TCF12: variants seen among roughly 807,000 people sequenced by gnomAD.
TCF12 encodes DNA-binding protein HTF4.
TCF12 carries 45 observed loss-of-function variants against 86.0 expected under a neutral mutation model. The observed-to-expected ratio is 0.52, with a 90% confidence interval of 0.41 to 0.67. The LOEUF is 0.67. Ranked by LOEUF, TCF12 falls within the 30% of genes least tolerant of loss-of-function variation. The probability of loss-of-function intolerance (pLI) is 0.00; values close to 1 mark genes in which losing one functional copy is unlikely to be tolerated. For missense variants in TCF12, 881 were observed against 859.9 expected (o/e 1.02, Z -0.31); for synonymous variants, 330 against 299.6 (o/e 1.10, Z -1.05).
intron 3 of TCF12, among the ~76,000 whole-genome samples, chr15:56,948,653 A>G (rs1246522357): frequency 6.6e-6 from 1 of 152,220 alleles, no homozygotes; most frequent in Non-Finnish European, 1.5e-5. Flanking sequence ...TCACCTCAGA[A>G]TGAAGCTGGG....
chr15:57,289,322 A>T lies in TCF12; in HGVS notation c.*3177A>T, dbSNP rs1281060198. Reference sequence around the variant, plus strand: ...GAAAATGTATAATCTTAGAGCTGAAATAAAATATAGAGACCATCTAGTAAA... The same window carrying T: ...GAAAATGTATAATCTTAGAGCTGAATTAAAATATAGAGACCATCTAGTAAA... On this transcript the variant is annotated 3_prime_UTR_variant, in exon 21 of 21. Coordinates refer to ENST00000333725, the MANE Select transcript of TCF12 (RefSeq NM_207037.2). The T allele has an allele frequency of 6.6e-6, 1 of 152,360 alleles. No individual in the cohort carries two copies. The highest frequency in any genetic ancestry group is 2.4e-5 in the African/African-American group (1 of 41,592). 9.4% of individuals were successfully genotyped at this position (152,360 alleles called of 1,614,324 possible). A position where few individuals can be genotyped will look rare whatever the true frequency, so the allele number is the denominator to read the frequency against.
intron 3 of TCF12, among the ~76,000 whole-genome samples, chr15:57,045,295 T>TA (rs1783840875): frequency 6.6e-6 from 1 of 152,232 alleles, no homozygotes; most frequent in Non-Finnish European, 1.5e-5. Context: ...TCTGGATTAA[T>TA]ACGTCAAATT....
At chr15:57,120,176 G>T (rs2051129756) in intron 5 of TCF12, among the ~76,000 whole-genome samples, 1 of 152,170 alleles carries the variant, frequency 6.6e-6, no homozygotes, top group Non-Finnish European at 1.5e-5. Context: ...ATGTACATTG[G>T]TAATGGAAGC....
intron 6 of TCF12, among the ~76,000 whole-genome samples, chr15:57,184,577 T>A (rs1446453733): frequency 6.6e-6 from 1 of 152,168 alleles, no homozygotes; most frequent in East Asian, 1.9e-4. Context: ...GAAAGTCAGT[T>A]TGGCACTGAG....
chr15:57,275,246 A>C (rs947334999), intron 19 of TCF12, among the ~76,000 whole-genome samples: 6 of 150,364 alleles, frequency 4.0e-5, no homozygotes, highest in African/African-American at 1.5e-4. Context: ...AGAAAAGCCT[A>C]CTTCTCCCCG....
At chr15:56,960,779 C>T (rs999938774) in intron 3 of TCF12, among the ~76,000 whole-genome samples, 2 of 152,074 alleles carry the variant, frequency 1.3e-5, no homozygotes, top group African/African-American at 2.4e-5. Flanking sequence ...CCCTTTCCCT[C>T]TCTTTAATCA....
At chr15:56,951,815 T>A (rs1053538034) in intron 3 of TCF12, among the ~76,000 whole-genome samples, 1 of 152,084 alleles carries the variant, frequency 6.6e-6, no homozygotes, top group Non-Finnish European at 1.5e-5. Flanking sequence ...CTAATTTTTA[T>A]TTTCTTATTT....
At chr15:57,003,624 C>G (rs568853161) in intron 3 of TCF12, among the ~76,000 whole-genome samples, 1 of 152,336 alleles carries the variant, frequency 6.6e-6, no homozygotes, top group East Asian at 1.9e-4. Flanking sequence ...GCAAGAAAGC[C>G]TATTCGTTGT....
At chr15:57,265,199 A>G (rs1271330493) in intron 18 of TCF12, among the ~76,000 whole-genome samples, 2 of 151,982 alleles carry the variant, frequency 1.3e-5, no homozygotes, top group African/African-American at 4.8e-5. Context: ...TCCTCAAAGA[A>G]CATCATTTTG....
At chr15:57,111,852 C>A (rs538370076) in intron 5 of TCF12, among the ~76,000 whole-genome samples, 4 of 152,190 alleles carry the variant, frequency 2.6e-5, no homozygotes, top group Admixed American at 6.5e-5. Context: ...CTCAGCCTTT[C>A]GGAGTGCTAG....
chr15:57,110,061 A>C (rs578124362), intron 5 of TCF12, among the ~76,000 whole-genome samples: 1 of 152,158 alleles, frequency 6.6e-6, no homozygotes, highest in African/African-American at 2.4e-5. Context: ...AGTAAAAATG[A>C]CTCCTAAATT....
intron 9 of TCF12, among the ~76,000 whole-genome samples, chr15:57,232,079 A>C (rs1313298601): frequency 6.6e-6 from 1 of 152,206 alleles, no homozygotes; most frequent in Non-Finnish European, 1.5e-5. Flanking sequence ...TGCCTATTAC[A>C]GCTTAGATTA....
chr15:57,142,317 A>ATAGATAGATAGT (rs2053032005), intron 5 of TCF12, among the ~76,000 whole-genome samples: 1 of 151,952 alleles, frequency 6.6e-6, no homozygotes, highest in African/African-American at 2.4e-5. Flanking sequence ...AGATAGATAG[A>ATAGATAGATAGT]TAGATAGATA....
At chr15:56,973,967 A>G (rs1567189044) in intron 3 of TCF12, among the ~76,000 whole-genome samples, 1 of 152,146 alleles carries the variant, frequency 6.6e-6, no homozygotes, top group Non-Finnish European at 1.5e-5. Context: ...ACTGAGAAGT[A>G]CTCTTCAAGT....
Position 56,955,213 on chromosome 15 carries a change from A to G in TCF12, c.148+34115A>G, listed in dbSNP as rs554304498. Reference sequence around the variant, plus strand: ...TGGGACATATACACCATGGAATACTATGCAGCCATAAAAAATGATGAGTTC... The same window carrying G: ...TGGGACATATACACCATGGAATACTGTGCAGCCATAAAAAATGATGAGTTC... On this transcript the variant is annotated intron_variant, in intron 3 of 20. Coordinates refer to ENST00000333725, the MANE Select transcript of TCF12 (RefSeq NM_207037.2). Among the ~76,000 whole-genome samples the G allele has an allele frequency of 1.4e-4, 21 of 152,358 alleles. No individual in the cohort carries two copies. The East Asian group carries it at 4.0e-3, about 29-fold the overall frequency.
chr15:56,963,568 T>C (rs568402702), intron 3 of TCF12, among the ~76,000 whole-genome samples: 9 of 152,292 alleles, frequency 5.9e-5, no homozygotes, highest in Non-Finnish European at 8.8e-5. Context: ...TTTTGAGATA[T>C]GTGAAAAGAG....
chr15:57,153,726 C>G (rs2053921394), intron 5 of TCF12, among the ~76,000 whole-genome samples: 1 of 152,048 alleles, frequency 6.6e-6, no homozygotes, highest in Admixed American at 6.5e-5. Flanking sequence ...ATGGAATGCT[C>G]AATCTAAAAG....
chr15:57,173,614 A>G (rs1216921320), intron 6 of TCF12, among the ~76,000 whole-genome samples: 1 of 152,198 alleles, frequency 6.6e-6, no homozygotes, highest in African/African-American at 2.4e-5. Context: ...ATAACTTAGT[A>G]AATTTGACAA....
intron 8 of TCF12, among the ~76,000 whole-genome samples, chr15:57,225,829 G>A (rs958607459): frequency 1.3e-4 from 19 of 150,844 alleles, no homozygotes; most frequent in African/African-American, 3.2e-4. Context: ...TGGAACTTGC[G>A]TAGATTAATC....
Sources: gnomAD v4.1 joint callset for allele counts (sites outside exome capture counted in the v4.1 genomes callset) on GRCh38, gnomAD v4.1.1 for gene constraint, MANE v1.5 for transcripts, NCBI Gene and HGNC (gene_info 2026-07-23, HGNC 2026-07-21) for gene names.